The following FNIP1 variants were observed in gnomAD, a reference collection of about 807,000 sequenced individuals.
FNIP1 encodes folliculin-interacting protein 1.
Under a neutral mutation model 124.5 loss-of-function variants are expected in FNIP1, and 40 were observed. That is an observed-to-expected ratio of 0.32 (90% CI 0.25 to 0.42). The LOEUF is 0.42. Ranked by LOEUF, FNIP1 falls within the 10% of genes least tolerant of loss-of-function variation. FNIP1 has a pLI of 1.00. For synonymous variants in FNIP1, 472 were observed against 470.6 expected (o/e 1.00, Z -0.04); for missense variants, 1,176 against 1,403.7 (o/e 0.84, Z 2.59).
intron 15 of FNIP1, among the ~76,000 whole-genome samples, chr5:131,660,675 T>C (rs142551550): frequency 3.2e-4 from 49 of 152,368 alleles, no homozygotes; most frequent in African/African-American, 9.9e-4. Context: ...CTTGTGTCTA[T>C]TGAACTTTTT....
chr5:131,715,272 G>A (rs560290413), intron 6 of FNIP1, among the ~76,000 whole-genome samples: 7 of 152,206 alleles, frequency 4.6e-5, no homozygotes, highest in South Asian at 4.2e-4. Context: ...GATCACCTGC[G>A]GTCAGGAGTT....
intron 1 of FNIP1, among the ~76,000 whole-genome samples, chr5:131,750,255 GACA>G (rs1040109403): frequency 6.6e-5 from 10 of 152,086 alleles, no homozygotes; most frequent in African/African-American, 2.4e-4. Flanking sequence ...GTAGTGATGG[GACA>G]ACAATAACAA....
intron 8 of FNIP1, among the ~76,000 whole-genome samples, chr5:131,708,428 T>C (rs1769185372): frequency 1.3e-5 from 2 of 152,202 alleles, no homozygotes; most frequent in African/African-American, 4.8e-5. Context: ...TATGCTGCTC[T>C]CTGGGCCCCA....
At chr5:131,677,250 G>A (rs1301053367) in intron 13 of FNIP1, among the ~76,000 whole-genome samples, 2 of 152,056 alleles carry the variant, frequency 1.3e-5, no homozygotes, top group Non-Finnish European at 2.9e-5. Context: ...TCTGTTCCCC[G>A]ACTTGTTTAG....
chr5:131,699,138 T>A, intron 10 of FNIP1, 136 bp from the exon 11 acceptor site: 1 of 559,832 alleles, frequency 1.8e-6, no homozygotes, highest in Non-Finnish European at 2.9e-6. Context: ...ATAAAGAAAG[T>A]AAATGCATTT....
At chr5:131,685,180 G>T (rs977564042) in intron 11 of FNIP1, among the ~76,000 whole-genome samples, 1 of 152,004 alleles carries the variant, frequency 6.6e-6, no homozygotes, top group Non-Finnish European at 1.5e-5. Flanking sequence ...ATCCCTTGAG[G>T]ACAAGAGTTC....
At chr5:131,655,943 A>C (rs931054775) in intron 15 of FNIP1, among the ~76,000 whole-genome samples, 6 of 146,572 alleles carry the variant, frequency 4.1e-5, no homozygotes, top group Admixed American at 1.4e-4. Flanking sequence ...AAAACAAAAC[A>C]AAAAAAAAAC....
At chr5:131,713,661 A>G (rs1400804520) in intron 6 of FNIP1, among the ~76,000 whole-genome samples, 2 of 152,242 alleles carry the variant, frequency 1.3e-5, no homozygotes, top group African/African-American at 2.4e-5. Flanking sequence ...AAAATCATCA[A>G]TTCTGATTTC....
Position 131,764,432 on chromosome 5 carries a change from G to A in FNIP1, c.93-19742C>T, listed in dbSNP as rs142744959. On this transcript the variant is annotated intron_variant, in intron 1 of 17. Transcript: ENST00000510461. ...AAGTGACTCTCACCTCAGCCTCCCA[G>A]TAGATGGGACCACAGGTGTCCACCA... is the stretch of plus-strand genomic sequence containing the variant. 3.2e-3 allele frequency among the ~76,000 whole-genome samples: 474 copies of A among 150,454 alleles called. 2 individuals carry two copies. The highest frequency in any genetic ancestry group is 0.011 in the African/African-American group (451 of 40,898).
intron 1 of FNIP1, among the ~76,000 whole-genome samples, chr5:131,773,922 T>C (rs1333758659): frequency 2.0e-5 from 3 of 152,202 alleles, no homozygotes; most frequent in South Asian, 2.1e-4. Flanking sequence ...CATTCTTCTA[T>C]GAAGGCCCAG....
At chr5:131,744,471 C>G in intron 2 of FNIP1, 93 bp downstream of exon 2, 1 of 1,257,698 alleles carries the variant, frequency 8.0e-7, no homozygotes, top group Non-Finnish European at 1.1e-6. Flanking sequence ...CAGTCATTTC[C>G]TTCTCCCTCA....
chr5:131,671,538 T>A lies in FNIP1; in HGVS notation c.2906A>T (p.Asp969Val). The A allele has an allele frequency of 6.2e-7, 1 of 1,612,140 alleles. No individual in the cohort carries two copies. Among genetic ancestry groups the A allele is most frequent in the South Asian group, 1.1e-5 (1 of 91,018 alleles). Residue 969 changes from aspartate (D) to valine (V), a missense_variant, in exon 14 of 18, where the codon GAT becomes GTT. By Grantham distance (152) the Asp-to-Val change is radical. This residue lies in a region of FNIP1 where 1,109 missense variants were observed against 1,288.5 expected (regional missense o/e 0.86). Transcript: ENST00000510461. Reference sequence around the variant, plus strand: ...AGGTATCTCATCCTCTTCTGCCCAATCTTCTTGCTCTCCTCCATAATAACT... The same window carrying A: ...AGGTATCTCATCCTCTTCTGCCCAAACTTCTTGCTCTCCTCCATAATAACT... Reference protein sequence around the residue: ...VSSYYGGEQEDWAEEDEIPFP... With the variant: ...VSSYYGGEQEVWAEEDEIPFP...
chr5:131,747,439 T>G (rs1426894626), intron 1 of FNIP1, among the ~76,000 whole-genome samples: 3 of 152,182 alleles, frequency 2.0e-5, no homozygotes, highest in Admixed American at 6.5e-5. Flanking sequence ...AACCAGAGAC[T>G]CCTCCTTAAA....
In FNIP1 at chr5:131,796,985, G is replaced by T; in HGVS notation, c.-64C>A. 7.0e-7 allele frequency: 1 copy of T among 1,424,804 alleles called. No individual in the cohort carries two copies. The highest frequency in any genetic ancestry group is 9.6e-7 in the Non-Finnish European group (1 of 1,043,166). 88.3% of individuals were successfully genotyped at this position (1,424,804 alleles called of 1,614,324 possible). On this transcript the variant is annotated 5_prime_UTR_variant, in exon 1 of 18. Transcript: ENST00000510461. ...TTGCTAGGCCCCTGCTCCTACAGCC[G>T]CCCCGCCACCCCCATGGGCGCCTCA...
chr5:131,788,506 C>T (rs188751155), intron 1 of FNIP1, among the ~76,000 whole-genome samples: 11 of 152,000 alleles, frequency 7.2e-5, no homozygotes, highest in African/African-American at 2.2e-4. Flanking sequence ...CCCATCTCTA[C>T]TAAAAATACA....
intron 15 of FNIP1, among the ~76,000 whole-genome samples, chr5:131,665,648 G>T (rs1260208840): frequency 1.4e-5 from 2 of 147,482 alleles, no homozygotes; most frequent in African/African-American, 5.0e-5. Flanking sequence ...GGAGTGCAAT[G>T]GTGAAATCTC....
intron 5 of FNIP1, among the ~76,000 whole-genome samples, chr5:131,717,293 C>T (rs916367844): frequency 1.3e-5 from 2 of 152,224 alleles, no homozygotes; most frequent in East Asian, 1.9e-4. Flanking sequence ...CAGCTTCATC[C>T]ATGTCCCTAC....
At chr5:131,690,478 T>C (rs1296653387) in intron 11 of FNIP1, among the ~76,000 whole-genome samples, 1 of 152,026 alleles carries the variant, frequency 6.6e-6, no homozygotes, top group Non-Finnish European at 1.5e-5. Context: ...AGTGACTGAG[T>C]TCTCATCAGA....
intron 1 of FNIP1, among the ~76,000 whole-genome samples, chr5:131,756,395 A>G (rs962294244): frequency 6.6e-6 from 1 of 152,206 alleles, no homozygotes; most frequent in Non-Finnish European, 1.5e-5. Context: ...TGAGGCTACA[A>G]GAGCCCTTTT....
Sources: allele counts gnomAD v4.1 joint callset (sites outside exome capture counted in the v4.1 genomes callset), GRCh38; gene constraint gnomAD v4.1.1; regional missense constraint gnomAD v4.1.1; transcripts MANE v1.5; gene names NCBI Gene and HGNC (gene_info 2026-07-23, HGNC 2026-07-21).